TEX15: variants seen among roughly 807,000 people sequenced by gnomAD.
The protein encoded by TEX15 is testis expressed 15, meiosis and synapsis associated, also known as testis-expressed protein 15.
In TEX15, 171 loss-of-function variants were observed where a neutral mutation model predicts 237.3. The observed-to-expected ratio is 0.72, with a 90% CI of 0.64 to 0.82. The LOEUF is 0.82. TEX15 is among the 40% of genes least tolerant of loss of function. The probability of loss-of-function intolerance (pLI) is 0.00; values close to 1 mark genes in which losing one functional copy is unlikely to be tolerated. For synonymous variants in TEX15, 1,338 were observed against 1,269.8 expected, an observed-to-expected ratio of 1.05 and a Z score of -1.14; for missense variants, 3,750 against 3,646.5, an observed-to-expected ratio of 1.03 and a Z score of -0.73.
chr8:30,908,447 C>T (rs1362821916), intron 1 of TEX15, among the ~76,000 whole-genome samples: 1 of 152,112 alleles, frequency 6.6e-6, no homozygotes, highest in Admixed American at 6.6e-5. Context: ...AAAATATTTG[C>T]CTATATATCT....
At position 30,847,069 on chromosome 8, in the gene TEX15, G is replaced by A. The variant is rs754239055; in HGVS notation, c.3098C>T (p.Thr1033Met). The change falls in exon 8 of 11, where the codon ACG becomes ATG. Residue 1033 changes from threonine (T) to methionine (M), a missense_variant. By Grantham distance (81) the Thr-to-Met change is moderately conservative. Transcript: ENST00000643185. ...KHRVSDCEID[T>M]DKNKSQESFH... ...TGATTCTTGTGATTTATTTTTATCC[G>A]TATCAATTTCACAATCAGAAACCCT... 1.7e-5 allele frequency: 28 copies of A among 1,612,334 alleles called. No homozygotes were observed. Among genetic ancestry groups the A allele is most frequent in the East Asian group, 1.3e-4 (6 of 44,870 alleles).
At chr8:30,891,958 T>C (rs1808803874) in intron 2 of TEX15, among the ~76,000 whole-genome samples, 1 of 152,250 alleles carries the variant, frequency 6.6e-6, no homozygotes, top group Non-Finnish European at 1.5e-5. Flanking sequence ...CCCCCCACTT[T>C]TAAAAATTGT....
At chr8:30,894,913 A>T (rs1808864346) in intron 2 of TEX15, among the ~76,000 whole-genome samples, 2 of 152,194 alleles carry the variant, frequency 1.3e-5, no homozygotes, top group Admixed American at 1.3e-4. Flanking sequence ...GTGAAGATGC[A>T]GCGAAAAGAC....
chr8:30,837,065 A>G lies in TEX15; in HGVS notation c.9219T>C (p.Pro3073=), dbSNP rs1280111139. ...TTGCAACTGTGGTCAACAGCCCAGA[A>G]GGAGATGGCTGTACTTCATATGATG... is the stretch of plus-strand genomic sequence containing the variant. ...GITSYEVQPS[P]SGLLTTVAST... The change falls in exon 10 of 11, where the codon CCT becomes CCC. Residue 3073 remains proline, a synonymous_variant. Coordinates refer to ENST00000643185, the MANE Select transcript of TEX15 (RefSeq NM_001350162.2). 1.2e-6 allele frequency: 2 copies of G among 1,614,196 alleles called. No individual in the cohort carries two copies. The highest frequency in any genetic ancestry group is 1.7e-6 in the Non-Finnish European group (2 of 1,180,034).
At chr8:30,888,522 T>C in intron 2 of TEX15, 1 of 851,796 alleles carries the variant, frequency 1.2e-6, no homozygotes, top group South Asian at 1.4e-5. Context: ...GCAACCTCCA[T>C]CCCCTGCCAA....
rs771014657 is a variant in TEX15 at position 30,842,864 on chromosome 8, T to C, written c.7303A>G (p.Ile2435Val). The change falls in exon 8 of 11, where the codon ATC (isoleucine) becomes GTC (valine). Residue 2435 changes from isoleucine to valine, a missense_variant. By Grantham distance (29) the Ile-to-Val change is conservative. Coordinates refer to ENST00000643185, the MANE Select transcript of TEX15 (RefSeq NM_001350162.2). Reference protein sequence around the residue: ...DVVINHSHEAIILKPEAIEMY... With the variant: ...DVVINHSHEAVILKPEAIEMY... ...TCAATAGCTTCAGGCTTTAAAATGA[T>C]AGCCTCATGGCTGTGGTTTATCACC... 6.2e-6 allele frequency: 10 copies of C among 1,611,806 alleles called. No homozygotes were observed. Among genetic ancestry groups the C allele is most frequent in the Non-Finnish European group, 7.6e-6 (9 of 1,178,676 alleles).
intron 5 of TEX15, among the ~76,000 whole-genome samples, chr8:30,860,401 C>T (rs1031353617): frequency 2.6e-5 from 4 of 151,922 alleles, no homozygotes; most frequent in East Asian, 3.9e-4. Flanking sequence ...CATGAGCCAC[C>T]GTGCCAGGCC....
intron 2 of TEX15, 39 bp downstream of exon 2, chr8:30,898,698 GGTATA>G (rs1336460302): frequency 6.6e-6 from 1 of 151,964 alleles, no homozygotes; most frequent in African/African-American, 2.4e-5. Context: ...AAATCAACAA[GGTATA>G]AATAAAGCAG....
rs538657250 is a variant in TEX15 at position 30,840,183 on chromosome 8, T to A, written c.8164-219A>T. The stretch of plus-strand genomic sequence containing the variant: ...CTTTAAAAAAAATAAATTTGTAACA[T>A]TCTTCTTATCCTCACATCTTTTTTT... On this transcript the variant is annotated intron_variant, in intron 8 of 10. Coordinates refer to ENST00000643185, the MANE Select transcript of TEX15 (RefSeq NM_001350162.2). 4.0e-5 allele frequency among the ~76,000 whole-genome samples: 6 copies of A among 151,718 alleles called. No homozygotes were observed. The East Asian group carries it at 1.2e-3, about 29-fold the overall frequency.
intron 10 of TEX15, among the ~76,000 whole-genome samples, chr8:30,835,211 TCTCATGC>T (rs1807264322): frequency 6.6e-6 from 1 of 151,972 alleles, no homozygotes. Flanking sequence ...TTCAAGTGAT[TCTCATGC>T]CTCACCTTCC....
chr8:30,888,819 C>A, intron 2 of TEX15: 1 of 350,838 alleles, frequency 2.9e-6, no homozygotes, highest in Non-Finnish European at 5.4e-6. Flanking sequence ...GGTGATCTTG[C>A]AATCACCCAA....
chr8:30,851,191 C>G (rs543089273), intron 7 of TEX15, among the ~76,000 whole-genome samples: 11 of 152,124 alleles, frequency 7.2e-5, no homozygotes, highest in Non-Finnish European at 1.6e-4. Flanking sequence ...TAACCCAAGA[C>G]AGTTAAAAGC....
chr8:30,848,734 G>C lies in TEX15; in HGVS notation c.1433C>G (p.Ser478Cys), dbSNP rs1563244766. Reference protein sequence around the residue: ...EIKSTPSNSASSSEVVPGDCA... With the variant: ...EIKSTPSNSACSSEVVPGDCA... ...ATCACCAGGGACAACTTCTGAGGAG[G>C]AGGCAGAATTAGATGGTGTCGATTT... The change falls in exon 8 of 11, where the codon TCC becomes TGC. Residue 478 changes from serine (S) to cysteine (C), a missense_variant. Coordinates refer to ENST00000643185, the MANE Select transcript of TEX15 (RefSeq NM_001350162.2). 1 of 1,614,156 alleles carries C rather than the reference G, an allele frequency of 6.2e-7. No homozygotes were observed. The highest frequency in any genetic ancestry group is 8.5e-7 in the Non-Finnish European group (1 of 1,180,012).
At position 30,836,211 on chromosome 8, in the gene TEX15, T is replaced by TTTG. The variant is rs1224084611; in HGVS notation, c.9481+591_9481+592insCAA. Reference sequence around the variant, plus strand: ...CGTCACATTTCACTGTATCGTTTTTTTTTTTTTTTTTTTTTTTTTTTGAGG... The same window carrying TTTG: ...CGTCACATTTCACTGTATCGTTTTTTTTGTTTTTTTTTTTTTTTTTTTTTGAGG... On this transcript the variant is annotated intron_variant, in intron 10 of 10. Transcript: ENST00000643185. 2.6e-4 allele frequency among the ~76,000 whole-genome samples: 32 copies of TTTG among 122,272 alleles called. 1 individual carries two copies. In the South Asian group the frequency reaches 5.9e-3, roughly 23 times the overall value. The allele number at this position is 122,272 out of a possible 152,430, so 80.2% of individuals were successfully genotyped here. A position where few individuals can be genotyped will look rare whatever the true frequency, so the allele number is the denominator to read the frequency against.
intron 4 of TEX15, among the ~76,000 whole-genome samples, chr8:30,872,586 A>G (rs323374): frequency 0.23 from 35,590 of 151,978 alleles, 6,144 homozygotes; most frequent in African/African-American, 0.47. Flanking sequence ...AGGCATTGTT[A>G]TCATAGAAGA....
chr8:30,857,019 T>G (rs1341661806), intron 7 of TEX15, among the ~76,000 whole-genome samples: 1 of 152,154 alleles, frequency 6.6e-6, no homozygotes, highest in Non-Finnish European at 1.5e-5. Context: ...ATTTTTTCTC[T>G]CTCATACAAA....
chr8:30,878,087 T>C (rs1253444520), intron 3 of TEX15, among the ~76,000 whole-genome samples: 9 of 145,580 alleles, frequency 6.2e-5, no homozygotes, highest in Non-Finnish European at 1.2e-4. Flanking sequence ...ATGAGACCTG[T>C]AAAGATTGCT....
Position 30,844,045 on chromosome 8 carries a change from G to T in TEX15, c.6122C>A (p.Ser2041Ter). The T allele has an allele frequency of 6.2e-7, 1 of 1,611,612 alleles. No homozygotes were observed. The highest frequency in any genetic ancestry group is 1.1e-5 in the South Asian group (1 of 90,498). Residue 2041 changes from serine (S) to a stop codon, truncating the protein, a stop_gained, in exon 8 of 11, where the codon TCA becomes TAA. Transcript: ENST00000643185. LOFTEE classifies it high-confidence loss of function. ...VEAFERKQEC[S>*]VEQILISREL... ...TCTTGAAATCAGGATTTGTTCAACT[G>T]AACATTCTTGCTTTCTTTCAAAAGC... is the stretch of plus-strand genomic sequence containing the variant.
chr8:30,884,694 A>G (rs186083388), intron 3 of TEX15, among the ~76,000 whole-genome samples: 1 of 152,100 alleles, frequency 6.6e-6, no homozygotes, highest in African/African-American at 2.4e-5. Context: ...TTGATTTCTG[A>G]TATCAGTAAT....
Sources: gnomAD v4.1 joint callset for allele counts (sites outside exome capture counted in the v4.1 genomes callset) on GRCh38, gnomAD v4.1.1 for gene constraint, MANE v1.5 for transcripts, NCBI Gene and HGNC (gene_info 2026-07-23, HGNC 2026-07-21) for gene names.